The following XPC variants were observed in gnomAD, a reference collection of about 807,000 sequenced individuals.
XPC encodes the protein XPC complex subunit, DNA damage recognition and repair factor.
Under a neutral mutation model 95.8 loss-of-function variants are expected in XPC, and 76 were observed. That is an observed-to-expected ratio of 0.79 (90% CI 0.66 to 0.96). The LOEUF (loss-of-function observed/expected upper bound fraction) is 0.96. Among genes scored for constraint, XPC ranks in the 40% least tolerant of loss-of-function variants. XPC has a pLI of 0.00. For missense variants in XPC, 1,146 were observed against 1,179.8 expected, an observed-to-expected ratio of 0.97 and a Z score of 0.42; for synonymous variants, 442 against 442.1, an observed-to-expected ratio of 1.00 and a Z score of 0.00.
At chr3:14,147,221 G>A in intron 15 of XPC, 69 bp downstream of exon 15, 1 of 1,494,368 alleles carries the variant, frequency 6.7e-7, no homozygotes. Flanking sequence ...TCTGGGCCAG[G>A]CCTTTCTGAG....
intron 15 of XPC, 70 bp from the exon 16 acceptor site, chr3:14,146,229 G>A (rs1448976361): frequency 7.0e-7 from 1 of 1,420,418 alleles, no homozygotes; most frequent in Non-Finnish European, 9.6e-7. Context: ...GCCCCATGAA[G>A]AGGCAGCAAG....
intron 2 of XPC, among the ~76,000 whole-genome samples, chr3:14,171,918 G>C (rs542378739): frequency 6.6e-6 from 1 of 152,228 alleles, no homozygotes; most frequent in East Asian, 1.9e-4. Context: ...TCATCATGCT[G>C]TCCCGTGTCC....
At chr3:14,157,251 C>A (rs1471061282) in intron 9 of XPC, among the ~76,000 whole-genome samples, 3 of 152,072 alleles carry the variant, frequency 2.0e-5, no homozygotes, top group Admixed American at 6.5e-5. Flanking sequence ...GTAAAATGCA[C>A]CCCTGGAGCA....
chr3:14,172,786 G>C (rs1696662554), intron 2 of XPC, 81 bp downstream of exon 2: 8 of 1,456,134 alleles, frequency 5.5e-6, no homozygotes, highest in Non-Finnish European at 7.4e-6. Context: ...CCAGTGACAA[G>C]TAAGAATAGA....
chr3:14,178,264 G>T (rs1696919391), intron 1 of XPC: 6 of 591,560 alleles, frequency 1.0e-5, no homozygotes, highest in South Asian at 2.5e-5. Context: ...GGCGAAGCTC[G>T]CGGGAAACCG....
chr3:14,155,810 G>A (rs1377698489), intron 10 of XPC, among the ~76,000 whole-genome samples: 2 of 152,058 alleles, frequency 1.3e-5, no homozygotes, highest in African/African-American at 4.8e-5. Flanking sequence ...CGCCCGCCTC[G>A]GCCTCCCAAA....
intron 15 of XPC, among the ~76,000 whole-genome samples, chr3:14,146,687 CA>C (rs1007918149): frequency 9.2e-5 from 14 of 151,958 alleles, no homozygotes; most frequent in African/African-American, 3.1e-4. Context: ...AGGAGCGTGA[CA>C]AAAAAATGTT....
At position 14,145,616 on chromosome 3, in the gene XPC, A is replaced by T; in HGVS notation, c.*325T>A. On this transcript the variant is annotated 3_prime_UTR_variant, in exon 16 of 16. Transcript: ENST00000285021. ...CTTCCATACAAAAACTGATGTTTCT[A>T]AAGATGGAAAGAACAGGTCTAGGAG... 1.4e-6 allele frequency: 1 copy of T among 699,462 alleles called. No homozygotes were observed. The highest frequency in any genetic ancestry group is 2.6e-6 in the Non-Finnish European group (1 of 384,742). The allele number at this position is 699,462 out of a possible 1,614,324, so 43.3% of individuals were successfully genotyped here.
intron 1 of XPC, 48 bp downstream of exon 1, chr3:14,178,418 C>A: frequency 6.4e-7 from 1 of 1,556,214 alleles, no homozygotes; most frequent in Non-Finnish European, 8.7e-7. Flanking sequence ...GGGCCTCCTC[C>A]GCCCACCGGC....
At position 14,158,990 on chromosome 3, in the gene XPC, A is replaced by G. The variant is rs1028508206; in HGVS notation, c.991-98T>C. 62 of 1,493,280 alleles carry G rather than the reference A, an allele frequency of 4.2e-5. No homozygotes were observed. The highest frequency in any genetic ancestry group is 5.4e-5 in the Non-Finnish European group (59 of 1,092,316). The allele number at this position is 1,493,280 out of a possible 1,614,324, so 92.5% of individuals were successfully genotyped here. On this transcript the variant is annotated intron_variant, in intron 8 of 15. Transcript: ENST00000285021. This position sits in a 1 kb window ranked among gnomAD's most constrained non-coding sequence, Gnocchi z 5.2. Reference sequence around the variant, plus strand: ...ATCTAATAGGGTTAAGTCACCAGCTAGAGAACCAATACATCAAGATGTCCC... The same window carrying G: ...ATCTAATAGGGTTAAGTCACCAGCTGGAGAACCAATACATCAAGATGTCCC...
At chr3:14,167,035 A>T (rs983348435) in intron 5 of XPC, 134 bp downstream of exon 5, 16 of 658,790 alleles carry the variant, frequency 2.4e-5, no homozygotes, top group Non-Finnish European at 3.8e-5. Context: ...CTCCCAGATG[A>T]GGATGCAAAG....
At chr3:14,154,994 C>G (rs1490590058) in intron 10 of XPC, among the ~76,000 whole-genome samples, 1 of 152,188 alleles carries the variant, frequency 6.6e-6, no homozygotes, top group Non-Finnish European at 1.5e-5. Flanking sequence ...CAGGCTTTCT[C>G]CCGACTACCC....
intron 1 of XPC, among the ~76,000 whole-genome samples, chr3:14,176,827 G>A (rs1404592791): frequency 2.0e-5 from 3 of 152,352 alleles, no homozygotes; most frequent in African/African-American, 4.8e-5. Flanking sequence ...CTAGCCGGGC[G>A]CAGTGGCTCA....
chr3:14,162,087 T>A (rs1185659580), intron 7 of XPC, among the ~76,000 whole-genome samples: 1 of 151,922 alleles, frequency 6.6e-6, no homozygotes, highest in Non-Finnish European at 1.5e-5. Context: ...TAGGAAAAAA[T>A]TTAACCAAGG....
At chr3:14,167,807 T>G (rs1696443857) in intron 4 of XPC, among the ~76,000 whole-genome samples, 1 of 152,130 alleles carries the variant, frequency 6.6e-6, no homozygotes, top group Admixed American at 6.5e-5. Context: ...TCCGGGATGC[T>G]GGGAAGGATA....
chr3:14,162,419 C>T (rs947213848), intron 7 of XPC, among the ~76,000 whole-genome samples: 1 of 152,118 alleles, frequency 6.6e-6, no homozygotes, highest in Non-Finnish European at 1.5e-5. Context: ...GTTGTACTGG[C>T]GTAAGAACAG....
At position 14,148,738 on chromosome 3, in the gene XPC, C is replaced by T. The variant is rs756300837; in HGVS notation, c.2251-7G>A. On this transcript the variant is annotated splice_polypyrimidine_tract_variant and splice_region_variant and intron_variant, in intron 12 of 15. Coordinates refer to ENST00000285021, the MANE Select transcript of XPC (RefSeq NM_004628.5). The stretch of plus-strand genomic sequence containing the variant: ...CAAACTCGTTCCGGGGCACCTGTGT[C>T]GGGTGAGCAAGTCAGCATTTGGCCA... The T allele has an allele frequency of 1.6e-5, 26 of 1,613,748 alleles. No homozygotes were observed. Among genetic ancestry groups the T allele is most frequent in the Non-Finnish European group, 1.9e-5 (23 of 1,179,782 alleles).
At chr3:14,163,704 A>C (rs1231053578) in intron 7 of XPC, among the ~76,000 whole-genome samples, 1 of 152,244 alleles carries the variant, frequency 6.6e-6, no homozygotes, top group Non-Finnish European at 1.5e-5. Context: ...TAAATGTACT[A>C]AATGGTCACT....
intron 15 of XPC, among the ~76,000 whole-genome samples, chr3:14,146,611 C>A (rs1200445729): frequency 6.6e-6 from 1 of 152,136 alleles, no homozygotes; most frequent in Non-Finnish European, 1.5e-5. Flanking sequence ...ATGGAGAAGG[C>A]GGCAAGGAGC....
Sources: gnomAD v4.1 joint callset for allele counts (sites outside exome capture counted in the v4.1 genomes callset) on GRCh38, gnomAD v4.1.1 for gene constraint, Gnocchi (gnomAD v3.1) non-coding constraint, MANE v1.5 for transcripts, NCBI Gene and HGNC (gene_info 2026-07-23, HGNC 2026-07-21) for gene names.